ADAM9: variants seen among roughly 807,000 people sequenced by gnomAD.
ADAM9 encodes the protein disintegrin and metalloproteinase domain-containing protein 9.
In ADAM9, 54 loss-of-function variants were observed where a neutral mutation model predicts 108.1. The observed-to-expected ratio is 0.50, with a 90% CI of 0.40 to 0.63. The LOEUF is 0.63. Ranked by LOEUF, ADAM9 falls within the 20% of genes least tolerant of loss-of-function variation. The pLI, the probability that ADAM9 is intolerant of heterozygous loss-of-function variation, is 0.00. For synonymous variants in ADAM9, 316 were observed against 336.0 expected (o/e 0.94, Z 0.65); for missense variants, 830 against 997.7 (o/e 0.83, Z 2.26).
chr8:39,066,415 TG>T (rs1838475718), intron 14 of ADAM9, among the ~76,000 whole-genome samples: 1 of 152,240 alleles, frequency 6.6e-6, no homozygotes. Flanking sequence ...CAGCACCTGT[TG>T]TTTCCTGACT....
At position 39,077,410 on chromosome 8, in the gene ADAM9, A is replaced by C. The variant is rs768326565; in HGVS notation, c.1880A>C (p.Lys627Thr). Residue 627 changes from lysine to threonine, a missense_variant and splice_region_variant, in exon 16 of 22, where the codon AAG (lysine) becomes ACG (threonine). Lys to Thr is a moderately conservative substitution (Grantham distance 78, BLOSUM62 -1). Around this residue, in one of 3 missense-constraint regions of ADAM9, gnomAD observed 238 missense variants for 235.7 expected, o/e 1.01. Coordinates refer to ENST00000487273, the MANE Select transcript of ADAM9 (RefSeq NM_003816.3). ...GAAGGCACAAAATGTGGTGCTGGAAAGGTAATCAAAATATTTTTTATTTAC... is the reference window on the plus strand; with the variant it reads ...GAAGGCACAAAATGTGGTGCTGGAACGGTAATCAAAATATTTTTTATTTAC... ...VNEGTKCGAG[K>T]ICRNFQCVDA... 13 of 1,607,696 alleles carry C rather than the reference A, an allele frequency of 8.1e-6. No individual in the cohort carries two copies. The highest frequency in any genetic ancestry group is 1.1e-5 in the Non-Finnish European group (13 of 1,176,994).
rs996664603 is a variant in ADAM9, at chr8:38,997,045, A to G, written c.-19A>G. ...TGGAGGCGACCGAGTGCTGAGAGGAACCTGCGGAATCGGCCGAGATGGGGT... is the reference window on the plus strand; with the variant it reads ...TGGAGGCGACCGAGTGCTGAGAGGAGCCTGCGGAATCGGCCGAGATGGGGT... On this transcript the variant is annotated 5_prime_UTR_variant, in exon 1 of 22. Coordinates refer to ENST00000487273, the MANE Select transcript of ADAM9 (RefSeq NM_003816.3). 4 of 1,604,042 alleles carry G rather than the reference A, an allele frequency of 2.5e-6. No individual in the cohort carries two copies. In the Admixed American group the frequency reaches 6.7e-5, roughly 27 times the overall value.
At chr8:39,053,426 G>GT (rs1352605027) in intron 12 of ADAM9, among the ~76,000 whole-genome samples, 1 of 152,096 alleles carries the variant, frequency 6.6e-6, no homozygotes. Flanking sequence ...TCTCCTAGAA[G>GT]TTTTATAGTT....
In ADAM9 at chr8:39,041,903, G is replaced by A. The variant is rs1415593962; in HGVS notation, c.1131-43G>A. On this transcript the variant is annotated intron_variant, in intron 11 of 21. Transcript: ENST00000487273. ...TCATGACTTAACATTTTCAAAGTGA[G>A]TAATCACTGTGACATAGATCTTTTT... The A allele has an allele frequency of 2.6e-6, 4 of 1,558,456 alleles. No individual in the cohort carries two copies. The Admixed American group carries it at 5.0e-5, about 20-fold the overall frequency.
At chr8:39,058,923 T>A (rs1838210071) in intron 14 of ADAM9, among the ~76,000 whole-genome samples, 1 of 152,180 alleles carries the variant, frequency 6.6e-6, no homozygotes, top group African/African-American at 2.4e-5. Context: ...GGCTGCTGAT[T>A]GAGAGCATAT....
chr8:39,002,067 A>G (rs988803480), intron 1 of ADAM9, among the ~76,000 whole-genome samples: 5 of 151,224 alleles, frequency 3.3e-5, no homozygotes, highest in African/African-American at 1.2e-4. Flanking sequence ...AAAAACTGCA[A>G]TTACTTTTGC....
chr8:39,037,376 C>G (rs1172848661), intron 11 of ADAM9, among the ~76,000 whole-genome samples: 1 of 147,556 alleles, frequency 6.8e-6, no homozygotes, highest in Non-Finnish European at 1.5e-5. Context: ...TGGCCATTGT[C>G]TAATTAAATA....
chr8:39,024,258 T>A (rs987515892), intron 9 of ADAM9, among the ~76,000 whole-genome samples: 1 of 152,170 alleles, frequency 6.6e-6, no homozygotes, highest in African/African-American at 2.4e-5. Flanking sequence ...GGGTCTTAAT[T>A]TTTAGTAAAA....
In ADAM9 at chr8:39,055,614, G is replaced by A. The variant is rs201256112; in HGVS notation, c.1433G>A (p.Ser478Asn). The part of the protein sequence containing the change: ...PGGTLCRGKT[S>N]ECDVPEYCNG... Reference sequence around the variant, plus strand: ...GGTACTTTATGCCGAGGAAAAACCAGTGAGTGTGATGTTCCAGAGTACTGC... The same window carrying A: ...GGTACTTTATGCCGAGGAAAAACCAATGAGTGTGATGTTCCAGAGTACTGC... Residue 478 changes from serine to asparagine, a missense_variant, in exon 14 of 22, where the codon AGT becomes AAT. Transcript: ENST00000487273. 1.2e-6 allele frequency: 2 copies of A among 1,613,766 alleles called. No homozygotes were observed. The highest frequency in any genetic ancestry group is 1.1e-5 in the South Asian group (1 of 91,064).
At chr8:39,012,712 C>A (rs1836395237) in intron 3 of ADAM9, among the ~76,000 whole-genome samples, 1 of 152,066 alleles carries the variant, frequency 6.6e-6, no homozygotes, top group Admixed American at 6.6e-5. Flanking sequence ...AACCAAACAC[C>A]ACATGTTCTC....
rs1839823701 is a variant in ADAM9, at chr8:39,105,071, A to T, written c.*1371A>T. The T allele has an allele frequency of 4.9e-6, 2 of 404,680 alleles. No individual in the cohort carries two copies. The highest frequency in any genetic ancestry group is 9.4e-6 in the Non-Finnish European group (2 of 211,718). 25.1% of individuals were successfully genotyped at this position (404,680 alleles called of 1,614,324 possible). Reference sequence around the variant, plus strand: ...ATTAATTAAAAAGTTATAATTTTAGATAAAAATTCTAGTCAAATTTTTACA... The same window carrying T: ...ATTAATTAAAAAGTTATAATTTTAGTTAAAAATTCTAGTCAAATTTTTACA... On this transcript the variant is annotated 3_prime_UTR_variant, in exon 22 of 22. Coordinates refer to ENST00000487273, the MANE Select transcript of ADAM9 (RefSeq NM_003816.3).
chr8:39,044,960 G>T (rs1837582850), intron 12 of ADAM9, among the ~76,000 whole-genome samples: 1 of 151,096 alleles, frequency 6.6e-6, no homozygotes, highest in African/African-American at 2.4e-5. Context: ...GTGTATATGT[G>T]TGTGCACACA....
Position 39,098,461 on chromosome 8 carries a change from T to C in ADAM9, c.2299-3402T>C, listed in dbSNP as rs929875039. Among the ~76,000 whole-genome samples the C allele has an allele frequency of 5.3e-5, 8 of 152,236 alleles. 1 individual carries two copies. The East Asian group carries it at 1.5e-3, about 29-fold the overall frequency. On this transcript the variant is annotated intron_variant, in intron 20 of 21. Transcript: ENST00000487273. Reference sequence around the variant, plus strand: ...CTTTGGTATTTCCAATATTCTTGTGTATTCCATTCTGATTATATTGGATCT... The same window carrying C: ...CTTTGGTATTTCCAATATTCTTGTGCATTCCATTCTGATTATATTGGATCT...
At position 39,045,415 on chromosome 8, in the gene ADAM9, T is replaced by C. The variant is rs901419770; in HGVS notation, c.1302+3298T>C. ...GTGTACACACACCTATATGTGCGCG[T>C]GTGTACACACACCTATATGTGCGCG... On this transcript the variant is annotated intron_variant, in intron 12 of 21. Coordinates refer to ENST00000487273, the MANE Select transcript of ADAM9 (RefSeq NM_003816.3). Among the ~76,000 whole-genome samples the C allele has an allele frequency of 4.7e-4, 63 of 135,370 alleles. 13 individuals are homozygous for C. The highest frequency in any genetic ancestry group is 1.6e-3 in the African/African-American group (61 of 37,734). 88.8% of individuals were successfully genotyped at this position (135,370 alleles called of 152,430 possible).
chr8:39,085,445 A>G (rs1439749988), intron 18 of ADAM9, among the ~76,000 whole-genome samples: 1 of 152,138 alleles, frequency 6.6e-6, no homozygotes, highest in African/African-American at 2.4e-5. Flanking sequence ...CATTTATGTA[A>G]ATTTGCATTT....
chr8:39,012,863 T>C (rs1564234786), intron 3 of ADAM9, among the ~76,000 whole-genome samples: 1 of 152,018 alleles, frequency 6.6e-6, no homozygotes, highest in African/African-American at 2.4e-5. Context: ...AGTTAATGGG[T>C]GCAGCACACC....
At position 39,090,172 on chromosome 8, in the gene ADAM9, A is replaced by T; in HGVS notation, c.2194A>T (p.Arg732Ter). The T allele has an allele frequency of 6.2e-7, 1 of 1,613,768 alleles. No homozygotes were observed. The highest frequency in any genetic ancestry group is 8.5e-7 in the Non-Finnish European group (1 of 1,179,794). The part of the protein sequence containing the change: ...QLWRSYFRKK[R>*]SQTYESDGKN... ...GTGGAGAAGCTACTTCAGAAAGAAG[A>T]GATCACAAACATATGAGTACTTAGA... The change falls in exon 19 of 22, where the codon AGA becomes TGA. Residue 732 changes from arginine (R) to a stop codon, truncating the protein, a stop_gained. Coordinates refer to ENST00000487273, the MANE Select transcript of ADAM9 (RefSeq NM_003816.3). LOFTEE classifies it high-confidence loss of function.
At chr8:39,039,887 T>C (rs899327449) in intron 11 of ADAM9, among the ~76,000 whole-genome samples, 8 of 152,326 alleles carry the variant, frequency 5.3e-5, no homozygotes, top group African/African-American at 1.7e-4. Flanking sequence ...TTTGGGTGTA[T>C]ACCCAAAAGT....
chr8:39,071,728 G>T (rs934761409), intron 15 of ADAM9, among the ~76,000 whole-genome samples: 4 of 152,200 alleles, frequency 2.6e-5, no homozygotes, highest in African/African-American at 9.7e-5. Context: ...GCCTCCCAAA[G>T]TGCTGGGATT....
Sources: gnomAD v4.1 joint callset for allele counts (sites outside exome capture counted in the v4.1 genomes callset) on GRCh38, gnomAD v4.1.1 for gene constraint, gnomAD v4.1.1 regional missense constraint, MANE v1.5 for transcripts, NCBI Gene and HGNC (gene_info 2026-07-23, HGNC 2026-07-21) for gene names.